The following NLRP4 variants were observed in gnomAD, a reference collection of about 807,000 sequenced individuals.
NLRP4 encodes NLR family pyrin domain containing 4.
NLRP4 carries 44 observed loss-of-function variants against 84.7 expected under a neutral mutation model. The ratio of observed to expected loss-of-function variants is 0.52; its 90% confidence interval spans 0.41 to 0.67. The LOEUF (loss-of-function observed/expected upper bound fraction) is 0.67, where lower values mean the gene tolerates loss of function less well. Ranked by LOEUF, NLRP4 falls within the 30% of genes least tolerant of loss-of-function variation. The pLI, the probability that NLRP4 is intolerant of heterozygous loss-of-function variation, is 0.00. For synonymous variants in NLRP4, 544 were observed against 476.4 expected, an observed-to-expected ratio of 1.14 and a Z score of -1.85; for missense variants, 1,260 against 1,219.4, an observed-to-expected ratio of 1.03 and a Z score of -0.50.
At chr19:55,880,001 C>T (rs1985526654) in intron 9 of NLRP4, among the ~76,000 whole-genome samples, 1 of 151,728 alleles carries the variant, frequency 6.6e-6, no homozygotes, top group Admixed American at 6.6e-5. Flanking sequence ...CATTATTTTA[C>T]TAGATAACTA....
intron 2 of NLRP4, among the ~76,000 whole-genome samples, chr19:55,854,574 T>C (rs1984335478): frequency 6.6e-6 from 1 of 152,180 alleles, no homozygotes; most frequent in Admixed American, 6.5e-5. Context: ...ATTCTGGTAG[T>C]AGTTACAGGG....
rs1179374163 is a variant in NLRP4 at position 55,854,898 on chromosome 19, A to T, written c.280+2538A>T. 3.9e-5 allele frequency among the ~76,000 whole-genome samples: 6 copies of T among 152,072 alleles called. No individual in the cohort carries two copies. In the East Asian group the frequency reaches 1.2e-3, roughly 29 times the overall value. On this transcript the variant is annotated intron_variant, in intron 2 of 9. Coordinates refer to ENST00000301295, the MANE Select transcript of NLRP4 (RefSeq NM_134444.5). ...ACCACCACGCCCAGCTAGTTTTTAT[A>T]TTTTTAGTAGAGACGGGATTTTGCC...
chr19:55,869,220 T>C (rs115966053), intron 6 of NLRP4, among the ~76,000 whole-genome samples: 5,470 of 151,798 alleles, frequency 0.036, 219 homozygotes, highest in Middle Eastern at 0.13. Context: ...ATTAGCTGGG[T>C]TTGGTGGTGC....
intron 1 of NLRP4, among the ~76,000 whole-genome samples, chr19:55,845,140 AG>A (rs1253580191): frequency 2.7e-5 from 4 of 150,072 alleles, no homozygotes; most frequent in South Asian, 2.2e-4. Flanking sequence ...CTCGTCATTT[AG>A]CATTAGGTAC....
intron 8 of NLRP4, among the ~76,000 whole-genome samples, chr19:55,877,791 A>T (rs892669430): frequency 6.6e-6 from 1 of 152,048 alleles, no homozygotes; most frequent in Non-Finnish European, 1.5e-5. Context: ...ATTTCCTCTT[A>T]TAAGAACACC....
intron 2 of NLRP4, among the ~76,000 whole-genome samples, chr19:55,854,252 A>C (rs1050811496): frequency 7.9e-5 from 12 of 152,136 alleles, no homozygotes; most frequent in Admixed American, 6.6e-5. Context: ...GATTACAGGC[A>C]TGAGCCACCA....
chr19:55,866,531 G>A (rs940124681), intron 5 of NLRP4, among the ~76,000 whole-genome samples: 2 of 152,122 alleles, frequency 1.3e-5, no homozygotes, highest in African/African-American at 4.8e-5. Context: ...TAAGGAGAGT[G>A]GTTGAGGTAA....
Position 55,857,894 on chromosome 19 carries a change from G to A in NLRP4, c.501G>A (p.Lys167=), listed in dbSNP as rs1242013230. The A allele has an allele frequency of 5.6e-6, 9 of 1,614,172 alleles. No homozygotes were observed. The East Asian group carries it at 1.8e-4, about 32-fold the overall frequency. ...QGIGKTTLLM[K]LMMAWSDNKI... is the part of the protein sequence containing the mutation. ...TTGGAAAAACGACACTCCTGATGAA[G>A]CTGATGATGGCCTGGTCGGACAACA... The change falls in exon 3 of 10, where the codon AAG becomes AAA. Residue 167 remains lysine (K), a synonymous_variant. Transcript: ENST00000301295.
chr19:55,856,081 C>T (rs1170520712), intron 2 of NLRP4, among the ~76,000 whole-genome samples: 2 of 151,540 alleles, frequency 1.3e-5, no homozygotes, highest in Middle Eastern at 3.2e-3. Flanking sequence ...GCAACCTCCA[C>T]CTCCCAGGTT....
rs1263578928 is a variant in NLRP4 at position 55,881,593 on chromosome 19, A to G, written c.*6A>G. 10 of 1,416,126 alleles carry G rather than the reference A, an allele frequency of 7.1e-6. No individual in the cohort carries two copies. In the African/African-American group the frequency reaches 1.4e-4, roughly 20 times the overall value. 87.7% of individuals were successfully genotyped at this position (1,416,126 alleles called of 1,614,324 possible). A position where few individuals can be genotyped will look rare whatever the true frequency, so the allele number is the denominator to read the frequency against. On this transcript the variant is annotated 3_prime_UTR_variant, in exon 10 of 10. Transcript: ENST00000301295. ...TCACAAGGGTAGAGATCTGATTGCG[A>G]GGAACCTGGGCTCTGACTCGAACAC...
chr19:55,857,376 T>G (rs1295755462), intron 2 of NLRP4: 3 of 428,210 alleles, frequency 7.0e-6, no homozygotes, highest in Non-Finnish European at 1.2e-5. Flanking sequence ...AAGCAGAAGT[T>G]GTCAACCTTT....
chr19:55,840,380 A>ATG (rs1197532663), intron 1 of NLRP4, among the ~76,000 whole-genome samples: 1 of 125,718 alleles, frequency 8.0e-6, no homozygotes, highest in African/African-American at 3.2e-5. Context: ...GTGTGTGTAT[A>ATG]CATATTTTCT....
At position 55,867,653 on chromosome 19, in the gene NLRP4, G is replaced by C. The variant is rs199475752; in HGVS notation, c.2187-56G>C. The C allele has an allele frequency of 1.6e-5, 24 of 1,510,830 alleles. No homozygotes were observed. In the African/African-American group the frequency reaches 1.9e-4, roughly 12 times the overall value. The allele number at this position is 1,510,830 out of a possible 1,614,324, so 93.6% of individuals were successfully genotyped here. ...CCCGACTCTGACAGGATTGGCAAGA[G>C]GAATGAGTCCAGGAACTAGAAACCA... On this transcript the variant is annotated intron_variant, in intron 5 of 9. Coordinates refer to ENST00000301295, the MANE Select transcript of NLRP4 (RefSeq NM_134444.5).
At chr19:55,864,885 T>C (rs1333942809) in intron 5 of NLRP4, among the ~76,000 whole-genome samples, 3 of 152,220 alleles carry the variant, frequency 2.0e-5, no homozygotes, top group Non-Finnish European at 4.4e-5. Flanking sequence ...ATATCTTCTT[T>C]GGAGAAATAT....
chr19:55,881,045 TG>T (rs1985565281), intron 9 of NLRP4, among the ~76,000 whole-genome samples: 1 of 152,200 alleles, frequency 6.6e-6, no homozygotes, highest in South Asian at 2.1e-4. Context: ...CAAATGTTTG[TG>T]TGGAGTTCAT....
rs756203695 is a variant in NLRP4 at position 55,881,613 on chromosome 19, G to A, written c.*26G>A. On this transcript the variant is annotated 3_prime_UTR_variant, in exon 10 of 10. Transcript: ENST00000301295. ...TTGCGAGGAACCTGGGCTCTGACTCGAACACCTGCAAAGGACAGGGACTGG... is the reference window on the plus strand; with the variant it reads ...TTGCGAGGAACCTGGGCTCTGACTCAAACACCTGCAAAGGACAGGGACTGG... The A allele has an allele frequency of 3.6e-5, 40 of 1,109,782 alleles. 1 individual carries two copies. Among genetic ancestry groups the A allele is most frequent in the African/African-American group, 7.7e-5 (5 of 65,102 alleles). 68.7% of individuals were successfully genotyped at this position (1,109,782 alleles called of 1,614,324 possible).
chr19:55,864,836 A>G (rs573196694), intron 5 of NLRP4, among the ~76,000 whole-genome samples: 4 of 152,296 alleles, frequency 2.6e-5, no homozygotes, highest in African/African-American at 7.2e-5. Context: ...CTGAATGACT[A>G]ATGATGAGCA....
intron 1 of NLRP4, among the ~76,000 whole-genome samples, chr19:55,846,531 T>A (rs1329391345): frequency 1.3e-5 from 2 of 152,204 alleles, no homozygotes; most frequent in Admixed American, 6.5e-5. Flanking sequence ...TTTTCAAATC[T>A]GGGCATGCGT....
chr19:55,878,649 C>T lies in NLRP4; in HGVS notation c.2697-145C>T, dbSNP rs141628720. 1.6e-3 allele frequency: 982 copies of T among 605,308 alleles called. 4 individuals are homozygous for T. The highest frequency in any genetic ancestry group is 2.1e-3 in the Non-Finnish European group (747 of 352,984). The allele number at this position is 605,308 out of a possible 1,614,324, so 37.5% of individuals were successfully genotyped here. A position where few individuals can be genotyped will look rare whatever the true frequency, so the allele number is the denominator to read the frequency against. On this transcript the variant is annotated intron_variant, in intron 8 of 9. Coordinates refer to ENST00000301295, the MANE Select transcript of NLRP4 (RefSeq NM_134444.5). ...TACTTTTACCACCTACCCACAGACG[C>T]GTGATCTGAGGTCGTAAACACTGGA...
Sources: gnomAD v4.1 joint callset for allele counts (sites outside exome capture counted in the v4.1 genomes callset) on GRCh38, gnomAD v4.1.1 for gene constraint, MANE v1.5 for transcripts, NCBI Gene and HGNC (gene_info 2026-07-23, HGNC 2026-07-21) for gene names.